Variants in FANCC observed in about 807,000 individuals in gnomAD.
FANCC encodes the protein Fanconi anemia group C protein.
FANCC carries 55 observed loss-of-function variants against 71.3 expected under a neutral mutation model. That is an observed-to-expected ratio of 0.77 (90% CI 0.62 to 0.97). The LOEUF is 0.97. Among genes scored for constraint, FANCC ranks in the 50% least tolerant of loss-of-function variants. The pLI is 0.00. For missense variants in FANCC, 678 were observed against 670.9 expected (o/e 1.01, Z -0.12); for synonymous variants, 275 against 244.9 (o/e 1.12, Z -1.15).
intron 1 of FANCC, among the ~76,000 whole-genome samples, chr9:95,259,691 T>C (rs908232266): frequency 1.3e-5 from 2 of 151,958 alleles, no homozygotes; most frequent in Non-Finnish European, 2.9e-5. Context: ...AATTGACAAA[T>C]GGGATCTAAT....
intron 4 of FANCC, among the ~76,000 whole-genome samples, chr9:95,215,415 A>T (rs1050191640): frequency 2.6e-5 from 4 of 152,066 alleles, no homozygotes; most frequent in African/African-American, 9.7e-5. Flanking sequence ...GAGGATGGGA[A>T]AGAGGAGGAA....
At chr9:95,141,985 GTTTT>G (rs1163083695) in intron 7 of FANCC, among the ~76,000 whole-genome samples, 12 of 83,160 alleles carry the variant, frequency 1.4e-4, no homozygotes, top group Admixed American at 1.3e-3. Flanking sequence ...AGTTTGTGGG[GTTTT>G]TTTTTTTTTT....
intron 4 of FANCC, among the ~76,000 whole-genome samples, chr9:95,227,798 G>A (rs998333870): frequency 9.2e-5 from 14 of 152,172 alleles, no homozygotes; most frequent in African/African-American, 3.1e-4. Context: ...TTTGATTAAT[G>A]AGATGGCCAT....
chr9:95,168,433 T>C (rs535373668), intron 6 of FANCC, among the ~76,000 whole-genome samples: 1 of 152,388 alleles, frequency 6.6e-6, no homozygotes, highest in South Asian at 2.1e-4. Context: ...TCTTCCTTTA[T>C]CTGCAGTTTT....
At chr9:95,230,487 A>G (rs2135988812) in intron 4 of FANCC, among the ~76,000 whole-genome samples, 1 of 152,310 alleles carries the variant, frequency 6.6e-6, no homozygotes, top group East Asian at 1.9e-4. Context: ...CGCTGACTTC[A>G]AGAATGAAGC....
At chr9:95,107,935 C>T (rs1483061686) in intron 13 of FANCC, among the ~76,000 whole-genome samples, 2 of 152,210 alleles carry the variant, frequency 1.3e-5, no homozygotes, top group African/African-American at 2.4e-5. Flanking sequence ...AAAAAATACT[C>T]ATTCCATGCT....
In FANCC at chr9:95,236,429, T is replaced by G. The variant is rs377275330; in HGVS notation, c.345+4220A>C. On this transcript the variant is annotated intron_variant, in intron 4 of 14. Coordinates refer to ENST00000289081, the MANE Select transcript of FANCC (RefSeq NM_000136.3). ...CATATTCCCAAAATACATGAAAGAG[T>G]CCCGGAACTTCGTCTCTGAACTGTA... 2.6e-5 allele frequency among the ~76,000 whole-genome samples: 4 copies of G among 152,172 alleles called. No homozygotes were observed. In the East Asian group the frequency reaches 7.7e-4, roughly 29 times the overall value.
chr9:95,171,566 TA>T (rs1158045673), intron 5 of FANCC, among the ~76,000 whole-genome samples: 3 of 152,172 alleles, frequency 2.0e-5, no homozygotes, highest in African/African-American at 7.2e-5. Context: ...ATCAAGTTTG[TA>T]AGTTAAAATT....
At chr9:95,247,072 T>C (rs1414539067) in intron 3 of FANCC, among the ~76,000 whole-genome samples, 1 of 152,248 alleles carries the variant, frequency 6.6e-6, no homozygotes, top group Non-Finnish European at 1.5e-5. Flanking sequence ...GTATCATTAG[T>C]ATAGCCATTT....
chr9:95,263,694 C>A (rs1034860462), intron 1 of FANCC, among the ~76,000 whole-genome samples: 7 of 151,970 alleles, frequency 4.6e-5, no homozygotes, highest in Non-Finnish European at 8.8e-5. Flanking sequence ...CACTAGTGAG[C>A]GAATGCGAGT....
At chr9:95,238,383 T>C (rs763300732) in intron 4 of FANCC, among the ~76,000 whole-genome samples, 96 of 152,184 alleles carry the variant, frequency 6.3e-4, no homozygotes, top group Non-Finnish European at 1.1e-3. Context: ...GTATTTGCCT[T>C]ATTAATATCT....
chr9:95,222,773 G>A (rs1023823175), intron 4 of FANCC, among the ~76,000 whole-genome samples: 5 of 152,032 alleles, frequency 3.3e-5, no homozygotes, highest in African/African-American at 9.7e-5. Flanking sequence ...TCCTAACAAA[G>A]CTTTTTCATT....
chr9:95,256,012 C>T (rs959008939), intron 1 of FANCC, among the ~76,000 whole-genome samples: 3 of 151,832 alleles, frequency 2.0e-5, no homozygotes, highest in Non-Finnish European at 2.9e-5. Context: ...ACAAACTAAG[C>T]CTCCAAGAAA....
intron 1 of FANCC, chr9:95,293,428 A>G (rs1834177393): frequency 6.3e-7 from 1 of 1,575,410 alleles, no homozygotes; most frequent in Non-Finnish European, 8.6e-7. Flanking sequence ...TGCTCTCTTA[A>G]AGAGAGCCTA....
At chr9:95,170,637 C>CGT (rs3992109) in intron 6 of FANCC, among the ~76,000 whole-genome samples, 9,879 of 124,288 alleles carry the variant, frequency 0.079, 391 homozygotes, top group African/African-American at 0.092. Flanking sequence ...TTGTAAATAT[C>CGT]GTGTGTGTGT....
Position 95,292,966 on chromosome 9 carries a change from G to A in FANCC, c.-79+24560C>T, listed in dbSNP as rs188713079. 1.5e-4 allele frequency: 230 copies of A among 1,578,564 alleles called. No homozygotes were observed. In the East Asian group the frequency reaches 4.7e-3, roughly 32 times the overall value. On this transcript the variant is annotated intron_variant, in intron 1 of 14. Coordinates refer to ENST00000289081, the MANE Select transcript of FANCC (RefSeq NM_000136.3). The stretch of plus-strand genomic sequence containing the variant: ...AAAGCATTGCAGTCTCACATCTACC[G>A]AACTGGCCACGAGATCCCTGCAGAA...
At chr9:95,237,669 C>T (rs758709419) in intron 4 of FANCC, among the ~76,000 whole-genome samples, 3 of 152,138 alleles carry the variant, frequency 2.0e-5, no homozygotes, top group Admixed American at 6.5e-5. Context: ...TAAAATTCCT[C>T]GGAACAACTT....
intron 13 of FANCC, among the ~76,000 whole-genome samples, chr9:95,107,724 C>T (rs1362097718): frequency 2.0e-5 from 3 of 151,910 alleles, no homozygotes; most frequent in African/African-American, 7.3e-5. Flanking sequence ...GGGGTCAGGG[C>T]GGGGGGTCGG....
intron 1 of FANCC, among the ~76,000 whole-genome samples, chr9:95,273,525 A>C (rs938063275): frequency 6.6e-6 from 1 of 152,212 alleles, no homozygotes; most frequent in Non-Finnish European, 1.5e-5. Flanking sequence ...AGCTCCTGCC[A>C]CATCTCAGGG....
Sources: gnomAD v4.1 joint callset for allele counts (sites outside exome capture counted in the v4.1 genomes callset) on GRCh38, gnomAD v4.1.1 for gene constraint, MANE v1.5 for transcripts, NCBI Gene and HGNC (gene_info 2026-07-23, HGNC 2026-07-21) for gene names.